The following ULK4 variants were observed in gnomAD, a reference collection of about 807,000 sequenced individuals.
The protein encoded by ULK4 is inactive serine/threonine-protein kinase ULK4.
Under a neutral mutation model 160.6 loss-of-function variants are expected in ULK4, and 133 were observed. The ratio of observed to expected loss-of-function variants is 0.83; its 90% CI spans 0.72 to 0.96. The LOEUF is 0.96. Ranked by LOEUF, ULK4 falls within the 40% of genes least tolerant of loss-of-function variation. ULK4 has a pLI of 0.00. For synonymous variants in ULK4, 534 were observed against 539.8 expected (o/e 0.99, Z 0.15); for missense variants, 1,580 against 1,499.5 (o/e 1.05, Z -0.89).
At chr3:41,617,953 T>C (rs1174103345) in intron 30 of ULK4, among the ~76,000 whole-genome samples, 1 of 152,078 alleles carries the variant, frequency 6.6e-6, no homozygotes, top group Non-Finnish European at 1.5e-5. Context: ...CTGAAAAACA[T>C]AGCACGAGAA....
At chr3:41,610,495 T>C (rs1340129842) in intron 31 of ULK4, among the ~76,000 whole-genome samples, 1 of 152,224 alleles carries the variant, frequency 6.6e-6, no homozygotes, top group African/African-American at 2.4e-5. Context: ...GAGCAAATTT[T>C]ATAAGCCTGA....
In ULK4 at chr3:41,288,829, G is replaced by A. The variant is rs534653615; in HGVS notation, c.3679-39255C>T. Among the ~76,000 whole-genome samples, 8 of 152,280 alleles carry A rather than the reference G, an allele frequency of 5.3e-5. No homozygotes were observed. In the East Asian group the frequency reaches 1.5e-3, roughly 29 times the overall value. ...TGCCCAGTGGCTGTGTATACTGAGA[G>A]GAAAAACCCTCCTTGAAGTAATTCT... On this transcript the variant is annotated intron_variant, in intron 35 of 36. Transcript: ENST00000301831.
rs113916338 is a variant in ULK4, at chr3:41,270,423, C to G, written c.3679-20849G>C. ...GAGTTGTCCTGCACATTTGTGGGGT[C>G]TGGGTCCTTAGAGTCACGAAGCAGA... On this transcript the variant is annotated intron_variant, in intron 35 of 36. Coordinates refer to ENST00000301831, the MANE Select transcript of ULK4 (RefSeq NM_017886.4). Among the ~76,000 whole-genome samples, 1,054 of 150,610 alleles carry G rather than the reference C, an allele frequency of 7.0e-3. 12 individuals carry two copies. The highest frequency in any genetic ancestry group is 0.025 in the African/African-American group (995 of 40,310).
chr3:41,927,945 A>T (rs1012634018), intron 5 of ULK4, among the ~76,000 whole-genome samples: 1 of 152,126 alleles, frequency 6.6e-6, no homozygotes, highest in Admixed American at 6.5e-5. Flanking sequence ...TAGACAGATC[A>T]ATGAGACAGA....
chr3:41,516,912 C>T (rs780577156), intron 32 of ULK4, among the ~76,000 whole-genome samples: 4 of 152,150 alleles, frequency 2.6e-5, no homozygotes, highest in African/African-American at 7.2e-5. Flanking sequence ...CACCACATGC[C>T]TGTATCAAAT....
chr3:41,895,123 CAGTT>C (rs1346822548), intron 16 of ULK4, among the ~76,000 whole-genome samples: 1 of 152,126 alleles, frequency 6.6e-6, no homozygotes, highest in African/African-American at 2.4e-5. Flanking sequence ...AAAACAGTAA[CAGTT>C]AGCCAGGCAC....
At chr3:41,830,059 C>T (rs958604421) in intron 18 of ULK4, among the ~76,000 whole-genome samples, 5 of 151,908 alleles carry the variant, frequency 3.3e-5, no homozygotes, top group African/African-American at 1.2e-4. Context: ...AAAAACCAAA[C>T]ACCGCATGTT....
At chr3:41,641,522 C>A (rs1296610473) in intron 30 of ULK4, among the ~76,000 whole-genome samples, 2 of 152,080 alleles carry the variant, frequency 1.3e-5, no homozygotes, top group African/African-American at 2.4e-5. Context: ...CACAGGGAGA[C>A]CCCATCACTA....
chr3:41,463,531 G>A (rs2083747528), intron 32 of ULK4, among the ~76,000 whole-genome samples: 1 of 152,028 alleles, frequency 6.6e-6, no homozygotes, highest in Non-Finnish European at 1.5e-5. Context: ...ATCCTACATG[G>A]GCAGGCTTCA....
At chr3:41,475,194 T>G (rs886151474) in intron 32 of ULK4, among the ~76,000 whole-genome samples, 112 of 152,284 alleles carry the variant, frequency 7.4e-4, no homozygotes, top group African/African-American at 2.6e-3. Flanking sequence ...TGTGACAACA[T>G]GGATGGACGT....
chr3:41,756,940 A>T (rs1384771742), intron 21 of ULK4, among the ~76,000 whole-genome samples: 1 of 152,240 alleles, frequency 6.6e-6, no homozygotes, highest in African/African-American at 2.4e-5. Flanking sequence ...TTTCAATCTC[A>T]GACTGGGGAA....
chr3:41,929,527 A>G (rs1699510651), intron 5 of ULK4, among the ~76,000 whole-genome samples: 2 of 152,220 alleles, frequency 1.3e-5, no homozygotes, highest in South Asian at 2.1e-4. Context: ...AAGGGTATTC[A>G]AATAGGCAGA....
chr3:41,634,782 C>G (rs1039126329), intron 30 of ULK4, among the ~76,000 whole-genome samples: 1 of 152,118 alleles, frequency 6.6e-6, no homozygotes, highest in Non-Finnish European at 1.5e-5. Flanking sequence ...GATGTCAAGG[C>G]AACATAAAAT....
At chr3:41,493,799 A>C (rs2084884180) in intron 32 of ULK4, among the ~76,000 whole-genome samples, 1 of 147,690 alleles carries the variant, frequency 6.8e-6, no homozygotes, top group Admixed American at 6.8e-5. Context: ...TACTACAAAC[A>C]CCTCTACACA....
intron 32 of ULK4, among the ~76,000 whole-genome samples, chr3:41,520,261 C>T (rs2085888675): frequency 6.6e-6 from 1 of 152,012 alleles, no homozygotes; most frequent in Non-Finnish European, 1.5e-5. Context: ...CTTTCAGTCC[C>T]TATAAATTTG....
At chr3:41,681,904 G>A in intron 27 of ULK4, 100 bp from the exon 28 acceptor site, 1 of 1,369,670 alleles carries the variant, frequency 7.3e-7, no homozygotes. Context: ...CTAATCAAAG[G>A]AGTGAAAAAA....
At chr3:41,921,127 C>T (rs1052050860) in intron 5 of ULK4, among the ~76,000 whole-genome samples, 2 of 152,018 alleles carry the variant, frequency 1.3e-5, no homozygotes, top group African/African-American at 4.8e-5. Flanking sequence ...GCCTGGCCAA[C>T]CTGGTGAAAC....
At chr3:41,488,199 T>C (rs1013866204) in intron 32 of ULK4, among the ~76,000 whole-genome samples, 2 of 152,244 alleles carry the variant, frequency 1.3e-5, no homozygotes, top group African/African-American at 2.4e-5. Context: ...TACAGATATT[T>C]GAGAGTAACT....
intron 32 of ULK4, among the ~76,000 whole-genome samples, chr3:41,531,285 C>CA (rs1169909531): frequency 1.3e-5 from 2 of 150,318 alleles, no homozygotes; most frequent in African/African-American, 2.4e-5. Context: ...ACTAAAAATA[C>CA]AAAAAATTAG....
Sources: gnomAD v4.1 joint callset for allele counts (sites outside exome capture counted in the v4.1 genomes callset) on GRCh38, gnomAD v4.1.1 for gene constraint, MANE v1.5 for transcripts, NCBI Gene and HGNC (gene_info 2026-07-23, HGNC 2026-07-21) for gene names.